Variants in NTN4 observed in about 807,000 individuals in gnomAD.
NTN4 encodes the protein netrin 4.
A neutral mutation model predicts 73.6 loss-of-function variants in NTN4; 32 were observed. That is an observed-to-expected ratio of 0.44 (90% CI 0.33 to 0.58). The LOEUF is 0.58. Among genes scored for constraint, NTN4 ranks in the 20% least tolerant of loss-of-function variants. The probability of loss-of-function intolerance (pLI) is 0.04; values close to 1 mark genes in which losing one functional copy is unlikely to be tolerated. For missense variants in NTN4, 654 were observed against 798.3 expected (o/e 0.82, Z 2.18); for synonymous variants, 258 against 287.5 (o/e 0.90, Z 1.04).
chr12:95,717,313 C>T (rs1472508419), intron 3 of NTN4, among the ~76,000 whole-genome samples: 1 of 152,126 alleles, frequency 6.6e-6, no homozygotes, highest in Admixed American at 6.5e-5. Context: ...CAGGAGTCCG[C>T]AGATATTTAG....
chr12:95,725,175 A>T (rs1321279723), intron 3 of NTN4, among the ~76,000 whole-genome samples: 1 of 152,144 alleles, frequency 6.6e-6, no homozygotes, highest in Non-Finnish European at 1.5e-5. Flanking sequence ...AACTTCTAGT[A>T]AGCCATTTAA....
At chr12:95,732,434 G>T in intron 3 of NTN4, among the ~76,000 whole-genome samples, 1 of 110,710 alleles carries the variant, frequency 9.0e-6, no homozygotes, top group Non-Finnish European at 1.7e-5. Context: ...CAAGAGTTTC[G>T]CTCTTGTTAC....
chr12:95,670,805 T>C (rs2078221467), intron 7 of NTN4, among the ~76,000 whole-genome samples: 1 of 152,188 alleles, frequency 6.6e-6, no homozygotes, highest in Admixed American at 6.5e-5. Context: ...AAAAACTTCT[T>C]GGATCAAGAA....
At chr12:95,714,360 G>T (rs1223451853) in intron 3 of NTN4, among the ~76,000 whole-genome samples, 1 of 152,026 alleles carries the variant, frequency 6.6e-6, no homozygotes, top group Non-Finnish European at 1.5e-5. Flanking sequence ...CTCAGAATGG[G>T]GTCCATAAGT....
At chr12:95,721,535 C>T (rs562362212) in intron 3 of NTN4, among the ~76,000 whole-genome samples, 2 of 152,312 alleles carry the variant, frequency 1.3e-5, no homozygotes, top group African/African-American at 4.8e-5. Context: ...CCTTTGAATA[C>T]ATTTACAAAC....
At chr12:95,688,531 G>T (rs775377942) in intron 5 of NTN4, among the ~76,000 whole-genome samples, 3 of 152,240 alleles carry the variant, frequency 2.0e-5, no homozygotes, top group Non-Finnish European at 4.4e-5. Flanking sequence ...GATGCTTAAA[G>T]GCTATCTTAA....
chr12:95,702,671 T>C (rs1022461956), intron 5 of NTN4, among the ~76,000 whole-genome samples: 4 of 152,226 alleles, frequency 2.6e-5, no homozygotes, highest in African/African-American at 9.6e-5. Flanking sequence ...TCTATTATTA[T>C]ACATTTCTCC....
chr12:95,672,384 T>C lies in NTN4; in HGVS notation c.1511-2238A>G, dbSNP rs2078239452. On this transcript the variant is annotated intron_variant, in intron 7 of 9. Transcript: ENST00000343702. The stretch of plus-strand genomic sequence containing the variant: ...GATCCACTTCAGCAGCTGGTACGAC[T>C]CCGACCTGAGCCCGGCAGGCCACCA... 4.5e-6 allele frequency: 4 copies of C among 897,436 alleles called. No individual in the cohort carries two copies. The East Asian group carries it at 9.6e-5, about 22-fold the overall frequency. The allele number at this position is 897,436 out of a possible 1,614,324, so 55.6% of individuals were successfully genotyped here.
intron 7 of NTN4, 124 bp downstream of exon 7, chr12:95,682,583 C>T: frequency 1.7e-6 from 1 of 587,232 alleles, no homozygotes; most frequent in Non-Finnish European, 3.0e-6. Flanking sequence ...CTTTATTATA[C>T]CATGAAACCC....
rs910016939 is a variant in NTN4, at chr12:95,751,697, G to A, written c.586-13553C>T. 8.5e-5 allele frequency among the ~76,000 whole-genome samples: 13 copies of A among 152,118 alleles called. No individual in the cohort carries two copies. In the East Asian group the frequency reaches 2.1e-3, roughly 25 times the overall value. ...GGAAGCCCCCTAGACCATCACGGAC[G>A]CCAAGCTTCAGGTAACTCACAGTGG... On this transcript the variant is annotated intron_variant, in intron 2 of 9. Transcript: ENST00000343702.
chr12:95,724,106 C>A (rs1303941090), intron 3 of NTN4, among the ~76,000 whole-genome samples: 1 of 151,980 alleles, frequency 6.6e-6, no homozygotes, highest in African/African-American at 2.4e-5. Flanking sequence ...GGTTGGAATG[C>A]CTCATATTTT....
Position 95,658,516 on chromosome 12 carries a change from C to G in NTN4, c.*570G>C, listed in dbSNP as rs2078109389. 1 of 152,664 alleles carries G rather than the reference C, an allele frequency of 6.6e-6. No individual in the cohort carries two copies. Among genetic ancestry groups the G allele is most frequent in the African/African-American group, 2.4e-5 (1 of 41,456 alleles). 9.5% of individuals were successfully genotyped at this position (152,664 alleles called of 1,614,324 possible). On this transcript the variant is annotated 3_prime_UTR_variant, in exon 10 of 10. Coordinates refer to ENST00000343702, the MANE Select transcript of NTN4 (RefSeq NM_021229.4). ...AGTAGGCTTTCTCACACACCCTTTT[C>G]CTTCTTTCAACAGCAGTCACCAAAC... is the stretch of plus-strand genomic sequence containing the variant.
intron 5 of NTN4, among the ~76,000 whole-genome samples, chr12:95,689,245 A>G (rs1171083377): frequency 6.6e-6 from 1 of 152,180 alleles, no homozygotes; most frequent in Non-Finnish European, 1.5e-5. Context: ...GTTAATAATA[A>G]TAATTCTAAT....
chr12:95,729,914 A>C (rs1394174567), intron 3 of NTN4, among the ~76,000 whole-genome samples: 1 of 152,098 alleles, frequency 6.6e-6, no homozygotes, highest in Non-Finnish European at 1.5e-5. Flanking sequence ...CCTTCTCCCC[A>C]TGAACCCATT....
rs1367590123 is a variant in NTN4, at chr12:95,789,531, G to A, written c.55+724C>T. ...GAGCCGGTGGCCTAGGGCAGCCCAA[G>A]AAAGCCAGGATGGGAGTGGGAGGGA... On this transcript the variant is annotated intron_variant, in intron 1 of 9. Transcript: ENST00000343702. The surrounding 1 kb of genome is among the most constrained non-coding windows in gnomAD (Gnocchi z 4.0). 6.6e-6 allele frequency among the ~76,000 whole-genome samples: 1 copy of A among 152,162 alleles called. No individual in the cohort carries two copies. Among genetic ancestry groups the A allele is most frequent in the African/African-American group, 2.4e-5 (1 of 41,430 alleles).
At chr12:95,725,223 T>A (rs1293257161) in intron 3 of NTN4, among the ~76,000 whole-genome samples, 1 of 152,112 alleles carries the variant, frequency 6.6e-6, no homozygotes, top group Non-Finnish European at 1.5e-5. Flanking sequence ...CCTGGGAAAC[T>A]GCGTGAAAGC....
intron 9 of NTN4, among the ~76,000 whole-genome samples, chr12:95,659,953 C>A (rs1015061544): frequency 1.3e-5 from 2 of 152,118 alleles, no homozygotes; most frequent in Admixed American, 1.3e-4. Flanking sequence ...TAGATCAGTA[C>A]ATCTTGGATA....
intron 5 of NTN4, among the ~76,000 whole-genome samples, chr12:95,689,588 G>A (rs1218249006): frequency 3.3e-5 from 5 of 152,158 alleles, no homozygotes; most frequent in African/African-American, 9.7e-5. Context: ...TGGGAGCTCT[G>A]TTGGTATCTT....
intron 3 of NTN4, among the ~76,000 whole-genome samples, chr12:95,726,296 C>G (rs1468091249): frequency 6.6e-6 from 1 of 152,152 alleles, no homozygotes; most frequent in Non-Finnish European, 1.5e-5. Flanking sequence ...ATTGCTGATA[C>G]CTGCCAATCA....
Sources: allele counts gnomAD v4.1 joint callset (sites outside exome capture counted in the v4.1 genomes callset), GRCh38; gene constraint gnomAD v4.1.1; non-coding constraint Gnocchi (gnomAD v3.1); transcripts MANE v1.5; gene names NCBI Gene and HGNC (gene_info 2026-07-23, HGNC 2026-07-21).